Variants in LHFPL3 observed in about 807,000 individuals in gnomAD.
LHFPL3 encodes the protein LHFPL tetraspan subfamily member 3 protein.
A neutral mutation model predicts 19.3 loss-of-function variants in LHFPL3; 5 were observed. The ratio of observed to expected loss-of-function variants is 0.26; its 90% CI spans 0.14 to 0.54. LHFPL3 has a LOEUF of 0.54. Among genes scored for constraint, LHFPL3 ranks in the 20% least tolerant of loss-of-function variants. The probability of loss-of-function intolerance (pLI) is 0.94; values close to 1 mark genes in which losing one functional copy is unlikely to be tolerated. For missense variants in LHFPL3, 249 were observed against 307.4 expected, an observed-to-expected ratio of 0.81 and a Z score of 1.42; for synonymous variants, 133 against 126.2, an observed-to-expected ratio of 1.05 and a Z score of -0.36.
chr7:104,849,150 T>G (rs1791368795), intron 2 of LHFPL3, among the ~76,000 whole-genome samples: 1 of 152,148 alleles, frequency 6.6e-6, no homozygotes, highest in African/African-American at 2.4e-5. Context: ...AGGCTGGTCT[T>G]GAACTCCTGG....
At chr7:104,416,170 G>C (rs1031644257) in intron 1 of LHFPL3, among the ~76,000 whole-genome samples, 7 of 152,102 alleles carry the variant, frequency 4.6e-5, no homozygotes, top group African/African-American at 1.7e-4. Context: ...GGAGAAGATG[G>C]CCAAGTGACA....
intron 1 of LHFPL3, among the ~76,000 whole-genome samples, chr7:104,625,473 G>A (rs888975690): frequency 3.3e-5 from 5 of 152,140 alleles, no homozygotes; most frequent in African/African-American, 4.8e-5. Context: ...AATAAGCATG[G>A]CACACCAGCA....
At chr7:104,458,908 G>T (rs868750960) in intron 1 of LHFPL3, among the ~76,000 whole-genome samples, 15 of 152,280 alleles carry the variant, frequency 9.9e-5, no homozygotes, top group African/African-American at 3.4e-4. Context: ...TCCGGTTTCT[G>T]GGAGATTTCC....
chr7:104,372,387 A>G (rs763190634), intron 1 of LHFPL3, among the ~76,000 whole-genome samples: 2 of 152,120 alleles, frequency 1.3e-5, no homozygotes, highest in African/African-American at 2.4e-5. Flanking sequence ...AAATATTAGT[A>G]TGGTTCTTGA....
intron 1 of LHFPL3, among the ~76,000 whole-genome samples, chr7:104,692,330 C>A (rs896909266): frequency 1.3e-5 from 2 of 152,218 alleles, no homozygotes; most frequent in Non-Finnish European, 2.9e-5. Flanking sequence ...GCTGAAGTAA[C>A]AAAGAGCCAA....
At chr7:104,683,326 G>C (rs577866860) in intron 1 of LHFPL3, among the ~76,000 whole-genome samples, 48 of 152,216 alleles carry the variant, frequency 3.2e-4, no homozygotes, top group Non-Finnish European at 4.9e-4. Context: ...TTTTTTGTTT[G>C]TTTGTTTTTG....
chr7:104,830,353 A>G (rs1360780219), intron 2 of LHFPL3, among the ~76,000 whole-genome samples: 1 of 151,748 alleles, frequency 6.6e-6, no homozygotes, highest in Admixed American at 6.6e-5. Flanking sequence ...CCATTTGTCA[A>G]TTTTGGCTTT....
chr7:104,824,928 T>C (rs1201131412), intron 2 of LHFPL3, among the ~76,000 whole-genome samples: 2 of 140,446 alleles, frequency 1.4e-5, no homozygotes, highest in Non-Finnish European at 3.0e-5. Context: ...ATAATATATA[T>C]ACTATATATA....
At chr7:104,542,290 G>C (rs759515731) in intron 1 of LHFPL3, among the ~76,000 whole-genome samples, 4 of 151,832 alleles carry the variant, frequency 2.6e-5, no homozygotes, top group Non-Finnish European at 5.9e-5. Flanking sequence ...CTTTGACTTT[G>C]TTTCCCTAAG....
intron 2 of LHFPL3, chr7:104,845,494 A>G (rs1791296874): frequency 1.3e-6 from 2 of 1,509,798 alleles, no homozygotes; most frequent in Non-Finnish European, 8.8e-7. Flanking sequence ...CTGTTCCCGC[A>G]TGTTTTCTCC....
chr7:104,824,050 G>A (rs112228846), intron 2 of LHFPL3, among the ~76,000 whole-genome samples: 2,714 of 140,910 alleles, frequency 0.019, 36 homozygotes, highest in Non-Finnish European at 0.028. Flanking sequence ...GGAGGCTGAG[G>A]CAGGGGAATC....
intron 1 of LHFPL3, among the ~76,000 whole-genome samples, chr7:104,701,199 G>T (rs1046975101): frequency 6.6e-6 from 1 of 152,076 alleles, no homozygotes; most frequent in African/African-American, 2.4e-5. Flanking sequence ...ATCTAGTGTT[G>T]CTGATAAGCC....
At chr7:104,794,630 G>A (rs1790083641) in intron 2 of LHFPL3, among the ~76,000 whole-genome samples, 1 of 152,192 alleles carries the variant, frequency 6.6e-6, no homozygotes, top group African/African-American at 2.4e-5. Flanking sequence ...ATTAAAATAG[G>A]CTACAAGAAT....
At chr7:104,822,173 A>G (rs1279274127) in intron 2 of LHFPL3, among the ~76,000 whole-genome samples, 2 of 152,204 alleles carry the variant, frequency 1.3e-5, no homozygotes, top group Non-Finnish European at 2.9e-5. Flanking sequence ...CCCAAGGTTC[A>G]TACTGTGTTC....
intron 1 of LHFPL3, among the ~76,000 whole-genome samples, chr7:104,528,015 T>G (rs1794222842): frequency 6.6e-6 from 1 of 152,186 alleles, no homozygotes. Context: ...TCTTCCTCCA[T>G]CTCTTGGAAA....
intron 1 of LHFPL3, among the ~76,000 whole-genome samples, chr7:104,576,607 T>G (rs1442135634): frequency 6.6e-6 from 1 of 152,162 alleles, no homozygotes; most frequent in East Asian, 1.9e-4. Context: ...GCAGACCTAT[T>G]GATCCTCTGT....
intron 1 of LHFPL3, among the ~76,000 whole-genome samples, chr7:104,450,121 G>A (rs1335961693): frequency 6.6e-6 from 1 of 152,168 alleles, no homozygotes; most frequent in Non-Finnish European, 1.5e-5. Flanking sequence ...CTGTGGTCTT[G>A]TGAGTTTTCC....
chr7:104,666,667 G>T (rs1172913052), intron 1 of LHFPL3, among the ~76,000 whole-genome samples: 1 of 148,196 alleles, frequency 6.7e-6, no homozygotes, highest in South Asian at 2.2e-4. Flanking sequence ...GACTACAGGC[G>T]CCCGCCACTA....
rs79313277 is a variant in LHFPL3 at position 104,793,234 on chromosome 7, G to A, written c.682+56323G>A. On this transcript the variant is annotated intron_variant, in intron 2 of 2. Transcript: ENST00000424859. ...TAAGATGCAGTCAGAACATCCTTGC[G>A]CAACTGGGTGGTTAATAAAGCATGT... Among the ~76,000 whole-genome samples the A allele has an allele frequency of 5.2e-3, 794 of 152,236 alleles. 9 individuals are homozygous for A. Among genetic ancestry groups the A allele is most frequent in the Non-Finnish European group, 6.7e-3 (456 of 68,014 alleles).
Sources: gnomAD v4.1 joint callset for allele counts (sites outside exome capture counted in the v4.1 genomes callset) on GRCh38, gnomAD v4.1.1 for gene constraint, MANE v1.5 for transcripts, NCBI Gene and HGNC (gene_info 2026-07-23, HGNC 2026-07-21) for gene names.